RPE65: variants seen among roughly 807,000 people sequenced by gnomAD.
RPE65 encodes retinoid isomerohydrolase RPE65.
RPE65 carries 58 observed loss-of-function variants against 68.5 expected under a neutral mutation model. The observed-to-expected ratio is 0.85, with a 90% CI of 0.69 to 1.05. The LOEUF is 1.05. Among genes scored for constraint, RPE65 ranks in the 50% least tolerant of loss-of-function variants. RPE65 has a pLI of 0.00. For synonymous variants in RPE65, 220 were observed against 222.2 expected (o/e 0.99, Z 0.09); for missense variants, 643 against 629.9 (o/e 1.02, Z -0.22).
At chr1:68,441,902 T>G (rs1368080564) in intron 5 of RPE65, among the ~76,000 whole-genome samples, 1 of 152,214 alleles carries the variant, frequency 6.6e-6, no homozygotes, top group Non-Finnish European at 1.5e-5. Flanking sequence ...TATCAAATAC[T>G]CTGAGCTTTC....
intron 1 of RPE65, 58 bp from the exon 2 acceptor site, chr1:68,448,764 T>A: frequency 6.7e-7 from 1 of 1,496,000 alleles, no homozygotes. Context: ...TCCGCAGAGA[T>A]AGAGGCAGAG....
Position 68,429,824 on chromosome 1 carries a change from C to T in RPE65, c.1554G>A (p.Val518=), listed in dbSNP as rs776229399. 1.2e-6 allele frequency: 2 copies of T among 1,613,664 alleles called. No homozygotes were observed. Among genetic ancestry groups the T allele is most frequent in the African/African-American group, 2.7e-5 (2 of 74,866 alleles). The part of the protein sequence containing the change: ...KDLSEVARAE[V]EINIPVTFHG... ...GAAAGGTGACAGGGATGTTAATCTC[C>T]ACTTCAGCCCGGGCAACTTCACTTA... Residue 518 remains valine (V), a synonymous_variant, in exon 14 of 14, where the codon GTG becomes GTA. Coordinates refer to ENST00000262340, the MANE Select transcript of RPE65 (RefSeq NM_000329.3).
At chr1:68,448,740 GT>G (rs780187813) in intron 1 of RPE65, 34 bp from the exon 2 acceptor site, 19 of 1,564,626 alleles carry the variant, frequency 1.2e-5, no homozygotes, top group Non-Finnish European at 1.4e-5. Context: ...AGAAGCCCAT[GT>G]TGATGCTCAA....
Position 68,439,045 on chromosome 1 carries a change from AC to A in RPE65, c.894del (p.Lys298AsnfsTer27), listed in dbSNP as rs61752903. 1.2e-6 allele frequency: 2 copies of A among 1,614,152 alleles called. No homozygotes were observed. The highest frequency in any genetic ancestry group is 1.7e-6 in the Non-Finnish European group (2 of 1,180,000). On this transcript the variant is annotated frameshift_variant, in exon 9 of 14. Transcript: ENST00000262340. LOFTEE classifies it high-confidence loss of function. ...GAAGTTCTGTATTTATTATTGAGGT[AC>A]TTTTTCCTTTTTTTGTCAGCAATAT... Reference protein sequence around the residue: ...WLHIADKKRKKYLNNKYRTSP... With the variant: ...WLHIADKKRKXYLNNKYRTSP...
Position 68,440,924 on chromosome 1 carries a change from T to C in RPE65, c.572A>G (p.Asn191Ser). ...PHIENDGTVY[N>S]IGNCFGKNFS... Reference sequence around the variant, plus strand: ...ATTTTTTCCAAAGCAATTACCAATATTGTAAACGGTTCCATCATTTTCAAT... The same window carrying C: ...ATTTTTTCCAAAGCAATTACCAATACTGTAAACGGTTCCATCATTTTCAAT... Residue 191 changes from asparagine (N) to serine (S), a missense_variant, in exon 6 of 14, where the codon AAT (asparagine) becomes AGT (serine). Physicochemically the swap from Asn to Ser is conservative, Grantham distance 46 (BLOSUM62 1). Coordinates refer to ENST00000262340, the MANE Select transcript of RPE65 (RefSeq NM_000329.3). 1.2e-6 allele frequency: 2 copies of C among 1,614,024 alleles called. No homozygotes were observed. The highest frequency in any genetic ancestry group is 1.1e-5 in the South Asian group (1 of 91,070).
chr1:68,442,731 G>A (rs2100824318), intron 5 of RPE65, among the ~76,000 whole-genome samples: 1 of 152,278 alleles, frequency 6.6e-6, no homozygotes, highest in South Asian at 2.1e-4. Context: ...TCATGTAATT[G>A]TAATACAGAT....
At chr1:68,430,296 A>G (rs1645817039) in intron 13 of RPE65, among the ~76,000 whole-genome samples, 1 of 152,256 alleles carries the variant, frequency 6.6e-6, no homozygotes, top group African/African-American at 2.4e-5. Context: ...CATACTGTAA[A>G]AACTGTGATG....
In RPE65 at chr1:68,429,727, G is replaced by A. The variant is rs1645806525; in HGVS notation, c.*49C>T. The A allele has an allele frequency of 2.5e-6, 4 of 1,610,120 alleles. No homozygotes were observed. Among genetic ancestry groups the A allele is most frequent in the South Asian group, 1.1e-5 (1 of 90,898 alleles). ...AACAGAATTTGATTGCAGACCTGAA[G>A]CTGATTTTCTCAGTTTTGCTACCAA... On this transcript the variant is annotated 3_prime_UTR_variant, in exon 14 of 14. Transcript: ENST00000262340.
intron 10 of RPE65, among the ~76,000 whole-genome samples, chr1:68,435,869 G>GTAA (rs1444121202): frequency 6.6e-6 from 1 of 152,124 alleles, no homozygotes; most frequent in Non-Finnish European, 1.5e-5. Flanking sequence ...GATACACTAG[G>GTAA]TAACGGGCTC....
chr1:68,435,643 A>T (rs1034908181), intron 10 of RPE65, among the ~76,000 whole-genome samples: 1 of 152,024 alleles, frequency 6.6e-6, no homozygotes, highest in Non-Finnish European at 1.5e-5. Context: ...CTCTCCACCT[A>T]TCTGTCTTTC....
intron 5 of RPE65, among the ~76,000 whole-genome samples, chr1:68,442,960 A>G (rs1322625918): frequency 6.6e-6 from 1 of 151,922 alleles, no homozygotes; most frequent in East Asian, 1.9e-4. Flanking sequence ...TCTTATTTTT[A>G]CCAGTACTGC....
At chr1:68,446,514 C>T (rs114444355) in intron 3 of RPE65, among the ~76,000 whole-genome samples, 196 bp downstream of exon 3, 1,721 of 152,290 alleles carry the variant, frequency 0.011, 28 homozygotes, top group African/African-American at 0.04. Context: ...ACCCCAAAGC[C>T]CTAGGCTTTA....
Position 68,438,916 on chromosome 1 carries a change from C to T in RPE65, c.998+26G>A, listed in dbSNP as rs769820251. 6 of 1,613,774 alleles carry T rather than the reference C, an allele frequency of 3.7e-6. No homozygotes were observed. In the Admixed American group the frequency reaches 1.0e-4, roughly 27 times the overall value. On this transcript the variant is annotated intron_variant, in intron 9 of 13. Coordinates refer to ENST00000262340, the MANE Select transcript of RPE65 (RefSeq NM_000329.3). Reference sequence around the variant, plus strand: ...AATTTCCAGGAACAATGGGAGGTGTCCCATTTGTCCAGTGTCCTTTCTTAC... The same window carrying T: ...AATTTCCAGGAACAATGGGAGGTGTTCCATTTGTCCAGTGTCCTTTCTTAC...
intron 8 of RPE65, 39 bp from the exon 9 acceptor site, chr1:68,439,120 G>C (rs763385512): frequency 6.2e-7 from 1 of 1,613,546 alleles, no homozygotes; most frequent in South Asian, 1.1e-5. Context: ...CATTTAAAAA[G>C]GAAAAAAGTG....
intron 13 of RPE65, 123 bp downstream of exon 13, chr1:68,430,942 A>G (rs1645821183): frequency 2.6e-6 from 2 of 777,842 alleles, no homozygotes; most frequent in Non-Finnish European, 4.5e-6. Context: ...GTACTGCTCT[A>G]TTTATAGTAT....
intron 12 of RPE65, 33 bp downstream of exon 12, chr1:68,431,249 A>T: frequency 3.1e-6 from 5 of 1,609,792 alleles, no homozygotes; most frequent in Non-Finnish European, 4.3e-6. Context: ...TACTCAAAGC[A>T]CTGTTCAAAT....
chr1:68,440,978 G>A lies in RPE65; in HGVS notation c.518C>T (p.Ser173Phe). The A allele has an allele frequency of 6.2e-7, 1 of 1,613,912 alleles. No individual in the cohort carries two copies. The highest frequency in any genetic ancestry group is 8.5e-7 in the Non-Finnish European group (1 of 1,179,870). The change falls in exon 6 of 14, where the codon TCT (serine) becomes TTT (phenylalanine). Residue 173 changes from serine to phenylalanine, a missense_variant. Coordinates refer to ENST00000262340, the MANE Select transcript of RPE65 (RefSeq NM_000329.3). ...GGGGTGAGCAGTGGCCCCATTGACA[G>A]AGACATAGTTGCAAAGATCAACCTA... is the stretch of plus-strand genomic sequence containing the variant. ...IKQVDLCNYV[S>F]VNGATAHPHI...
In RPE65 at chr1:68,429,624, C is replaced by A; in HGVS notation, c.*152G>T. Reference sequence around the variant, plus strand: ...TTAAATAAAGGAATTGCTTGCTCAACTCAGTGCTTTCTGTAAAACATTGCA... The same window carrying A: ...TTAAATAAAGGAATTGCTTGCTCAAATCAGTGCTTTCTGTAAAACATTGCA... On this transcript the variant is annotated 3_prime_UTR_variant, in exon 14 of 14. Transcript: ENST00000262340. The A allele has an allele frequency of 1.2e-6, 1 of 817,692 alleles. No individual in the cohort carries two copies. The highest frequency in any genetic ancestry group is 1.6e-5 in the South Asian group (1 of 63,554). The allele number at this position is 817,692 out of a possible 1,614,324, so 50.7% of individuals were successfully genotyped here. A position where few individuals can be genotyped will look rare whatever the true frequency, so the allele number is the denominator to read the frequency against.
chr1:68,439,098 A>C lies in RPE65; in HGVS notation c.859-17T>G, dbSNP rs1418885901. ...AAGCCAAACCTTGAAAAATGAGGAAAATATTTTGATGCATTTAAAAAGGAA... is the reference window on the plus strand; with the variant it reads ...AAGCCAAACCTTGAAAAATGAGGAACATATTTTGATGCATTTAAAAAGGAA... On this transcript the variant is annotated splice_polypyrimidine_tract_variant and intron_variant, in intron 8 of 13. Transcript: ENST00000262340. 1.9e-6 allele frequency: 3 copies of C among 1,614,002 alleles called. No homozygotes were observed. In the East Asian group the frequency reaches 6.7e-5, roughly 36 times the overall value.
Sources: gnomAD v4.1 joint callset for allele counts (sites outside exome capture counted in the v4.1 genomes callset) on GRCh38, gnomAD v4.1.1 for gene constraint, MANE v1.5 for transcripts, NCBI Gene and HGNC (gene_info 2026-07-23, HGNC 2026-07-21) for gene names.